The following PRKN variants were observed in gnomAD, a reference collection of about 807,000 sequenced individuals.
The protein encoded by PRKN is E3 ubiquitin-protein ligase parkin.
PRKN carries 56 observed loss-of-function variants against 59.5 expected under a neutral mutation model. The ratio of observed to expected loss-of-function variants is 0.94; its 90% CI spans 0.76 to 1.18. The LOEUF (loss-of-function observed/expected upper bound fraction) is 1.18. Among genes scored for constraint, PRKN ranks in the 50% most tolerant of loss-of-function variants. The probability of loss-of-function intolerance (pLI) is 0.00; values close to 1 mark genes in which losing one functional copy is unlikely to be tolerated. For missense variants in PRKN, 657 were observed against 596.4 expected (o/e 1.10, Z -1.06); for synonymous variants, 250 against 222.1 (o/e 1.13, Z -1.12).
At chr6:161,895,014 T>A (rs958269373) in intron 6 of PRKN, among the ~76,000 whole-genome samples, 24 of 152,210 alleles carry the variant, frequency 1.6e-4, no homozygotes, top group African/African-American at 5.5e-4. Context: ...TATAACAATA[T>A]TTTATAGACC....
At chr6:162,284,215 C>CTTTTTTTTTTTTTTTTTT (rs35609309) in intron 2 of PRKN, among the ~76,000 whole-genome samples, 1 of 75,670 alleles carries the variant, frequency 1.3e-5, no homozygotes. Flanking sequence ...TTATTTCTTT[C>CTTTTTTTTTTTTTTTTTT]TTTTTTTTTT....
chr6:161,685,921 C>T (rs1562607402), intron 7 of PRKN, among the ~76,000 whole-genome samples: 1 of 152,198 alleles, frequency 6.6e-6, no homozygotes, highest in Non-Finnish European at 1.5e-5. Context: ...GCAACCTCAC[C>T]CCGGTCCCAG....
intron 2 of PRKN, among the ~76,000 whole-genome samples, chr6:162,348,344 AC>A (rs1784489344): frequency 6.6e-6 from 1 of 152,198 alleles, no homozygotes; most frequent in Admixed American, 6.5e-5. Context: ...CGGTCCCAGA[AC>A]AACGACCAAA....
intron 9 of PRKN, among the ~76,000 whole-genome samples, chr6:161,437,483 A>G (rs1227098414): frequency 6.6e-6 from 1 of 152,210 alleles, no homozygotes; most frequent in Non-Finnish European, 1.5e-5. Flanking sequence ...CAGAGACTGC[A>G]GGAATCGAAA....
intron 1 of PRKN, among the ~76,000 whole-genome samples, chr6:162,559,042 T>A (rs1483710349): frequency 6.6e-6 from 1 of 151,060 alleles, no homozygotes; most frequent in Non-Finnish European, 1.5e-5. Context: ...TCCCAGCTAC[T>A]TGGGAGGCTG....
chr6:162,156,818 C>T (rs1254336395), intron 4 of PRKN, among the ~76,000 whole-genome samples: 1 of 152,124 alleles, frequency 6.6e-6, no homozygotes, highest in Non-Finnish European at 1.5e-5. Context: ...ATGTTCTCCC[C>T]CTTTGCACAC....
chr6:162,173,967 T>C (rs77591005), intron 4 of PRKN, among the ~76,000 whole-genome samples: 2,721 of 152,290 alleles, frequency 0.018, 68 homozygotes, highest in African/African-American at 0.054. Context: ...GACGTGTTTA[T>C]AGATCTGTGC....
chr6:162,649,400 G>A (rs1470771728), intron 1 of PRKN, among the ~76,000 whole-genome samples: 1 of 152,074 alleles, frequency 6.6e-6, no homozygotes, highest in Admixed American at 6.5e-5. Context: ...ATTTTGCCAG[G>A]GCAGCATGTC....
chr6:162,519,818 AT>A (rs2128193210), intron 1 of PRKN, among the ~76,000 whole-genome samples: 1 of 152,312 alleles, frequency 6.6e-6, no homozygotes, highest in African/African-American at 2.4e-5. Flanking sequence ...AGGATTTTAC[AT>A]TGTTTTTGCT....
chr6:161,730,523 G>A lies in PRKN; in HGVS notation c.871+55249C>T, dbSNP rs566787397. 9.6e-4 allele frequency among the ~76,000 whole-genome samples: 144 copies of A among 150,628 alleles called. 8 individuals carry two copies. Among genetic ancestry groups the A allele is most frequent in the African/African-American group, 3.5e-3 (142 of 40,174 alleles). On this transcript the variant is annotated intron_variant, in intron 7 of 11. Coordinates refer to ENST00000366898, the MANE Select transcript of PRKN (RefSeq NM_004562.3). Reference sequence around the variant, plus strand: ...AGTCTGATGTGTTGCATTCTGAAGTGTTGCATTCTTTCTGATGTGTTGCAT... The same window carrying A: ...AGTCTGATGTGTTGCATTCTGAAGTATTGCATTCTTTCTGATGTGTTGCAT...
chr6:162,257,896 T>C (rs1307119202), intron 3 of PRKN, among the ~76,000 whole-genome samples: 2 of 152,066 alleles, frequency 1.3e-5, no homozygotes, highest in African/African-American at 4.8e-5. Context: ...TCAAATTTTC[T>C]CAACAGGGTC....
chr6:161,516,737 G>T (rs1182146226), intron 9 of PRKN, among the ~76,000 whole-genome samples: 1 of 140,916 alleles, frequency 7.1e-6, no homozygotes, highest in African/African-American at 2.7e-5. Context: ...TGAGGCAGGA[G>T]AATTGCTGAA....
chr6:162,442,831 C>A (rs1012244829), intron 2 of PRKN, among the ~76,000 whole-genome samples: 9 of 152,046 alleles, frequency 5.9e-5, no homozygotes, highest in African/African-American at 2.2e-4. Flanking sequence ...GCCAATGGGC[C>A]CCGGAGCCCA....
chr6:162,423,070 C>T (rs1315668312), intron 2 of PRKN, among the ~76,000 whole-genome samples: 1 of 148,790 alleles, frequency 6.7e-6, no homozygotes. Flanking sequence ...ATTAATATTA[C>T]AAAGAAATCT....
chr6:162,619,307 T>A (rs1044000135), intron 1 of PRKN, among the ~76,000 whole-genome samples: 1 of 77,174 alleles, frequency 1.3e-5, no homozygotes, highest in Non-Finnish European at 2.5e-5. Flanking sequence ...CACACCCGGC[T>A]AATTTTTAAT....
intron 2 of PRKN, among the ~76,000 whole-genome samples, chr6:162,334,012 AAAGCC>A (rs1258424942): frequency 1.3e-5 from 2 of 152,208 alleles, no homozygotes; most frequent in East Asian, 3.9e-4. Context: ...CCCTAAAGCC[AAAGCC>A]TAATCTAAAG....
intron 2 of PRKN, among the ~76,000 whole-genome samples, chr6:162,378,406 T>C (rs1325046851): frequency 6.6e-6 from 1 of 152,242 alleles, no homozygotes; most frequent in East Asian, 1.9e-4. Context: ...CTACCAAAAG[T>C]ACAGTTTAAT....
chr6:161,679,207 T>G (rs1327918176), intron 7 of PRKN, among the ~76,000 whole-genome samples: 1 of 152,154 alleles, frequency 6.6e-6, no homozygotes, highest in African/African-American at 2.4e-5. Flanking sequence ...CTGGCAGATG[T>G]GATTCTGAGT....
chr6:162,340,214 G>A (rs1784111839), intron 2 of PRKN, among the ~76,000 whole-genome samples: 1 of 150,966 alleles, frequency 6.6e-6, no homozygotes, highest in South Asian at 2.1e-4. Context: ...AATCAGAAAA[G>A]CTCTCTAATT....
Sources: allele counts gnomAD v4.1 joint callset (sites outside exome capture counted in the v4.1 genomes callset), GRCh38; gene constraint gnomAD v4.1.1; transcripts MANE v1.5; gene names NCBI Gene and HGNC (gene_info 2026-07-23, HGNC 2026-07-21).